The following OPA1 variants were observed in gnomAD, a reference collection of about 807,000 sequenced individuals.
The protein encoded by OPA1 is OPA1 mitochondrial dynamin like GTPase.
A neutral mutation model predicts 152.9 loss-of-function variants in OPA1; 59 were observed. The observed-to-expected ratio is 0.39, with a 90% confidence interval of 0.31 to 0.48. The LOEUF is 0.48. Among genes scored for constraint, OPA1 ranks in the 20% least tolerant of loss-of-function variants. OPA1 has a pLI of 0.96. For synonymous variants in OPA1, 400 were observed against 389.9 expected (o/e 1.03, Z -0.31); for missense variants, 1,008 against 1,216.8 (o/e 0.83, Z 2.55).
rs1450977001 is a variant in OPA1 at position 193,637,188 on chromosome 3, T to C, written c.949-7T>C. 1 of 1,546,396 alleles carries C rather than the reference T, an allele frequency of 6.5e-7. No homozygotes were observed. Among genetic ancestry groups the C allele is most frequent in the East Asian group, 2.3e-5 (1 of 44,054 alleles). On this transcript the variant is annotated splice_polypyrimidine_tract_variant and splice_region_variant and intron_variant, in intron 9 of 30. Transcript: ENST00000361510. ...TTTTATATTATAACTTTTTAAAATT[T>C]TTACAGAAATCTTTGATTGACATGT...
chr3:193,676,846 T>C (rs1719134466), intron 29 of OPA1, among the ~76,000 whole-genome samples: 1 of 151,946 alleles, frequency 6.6e-6, no homozygotes, highest in Non-Finnish European at 1.5e-5. Flanking sequence ...CCAGGCGTGG[T>C]GGCGGGCGCC....
In OPA1 at chr3:193,690,312, A is replaced by G. The variant is rs6794131; in HGVS notation, c.2984-1751A>G. 3.9e-4 allele frequency among the ~76,000 whole-genome samples: 5 copies of G among 12,922 alleles called. No individual in the cohort carries two copies. In the South Asian group the frequency reaches 0.041, roughly 105 times the overall value. The allele number at this position is 12,922 out of a possible 152,430, so 8.5% of individuals were successfully genotyped here. On this transcript the variant is annotated intron_variant, in intron 29 of 30. Transcript: ENST00000361510. Reference sequence around the variant, plus strand: ...ATTAAAACAACTGGACTCCCCCCCCACCCCACCCCACACACACACAGATTT... The same window carrying G: ...ATTAAAACAACTGGACTCCCCCCCCGCCCCACCCCACACACACACAGATTT...
intron 25 of OPA1, among the ~76,000 whole-genome samples, 159 bp from the exon 26 acceptor site, chr3:193,662,663 C>T (rs910800714): frequency 2.0e-5 from 3 of 151,830 alleles, no homozygotes; most frequent in South Asian, 4.2e-4. Context: ...ATTCATAAGC[C>T]GGGGTGCTGT....
Position 193,664,898 on chromosome 3 carries a change from C to A in OPA1, c.2680C>A (p.Gln894Lys), listed in dbSNP as rs1716167831. The change falls in exon 27 of 31, where the codon CAA becomes AAA. Residue 894 changes from glutamine to lysine, a missense_variant. Transcript: ENST00000361510. ...ATTTTAGATTAAGGATACTTGGCAT[C>A]AAGTTTATAGAAGACATTTTTTAAA... ...DPSLIKDTWH[Q>K]VYRRHFLKTA... 6.3e-7 allele frequency: 1 copy of A among 1,588,720 alleles called. No homozygotes were observed.
intron 4 of OPA1, 35 bp downstream of exon 4, chr3:193,617,320 T>A: frequency 7.8e-7 from 1 of 1,289,832 alleles, no homozygotes; most frequent in Non-Finnish European, 1.1e-6. Context: ...ATTTAAAAAT[T>A]TAAGAACCAT....
chr3:193,634,657 CTCGGCCTCCCAAAGTG>C (rs1417742133), intron 8 of OPA1, among the ~76,000 whole-genome samples: 3 of 152,150 alleles, frequency 2.0e-5, no homozygotes, highest in Non-Finnish European at 4.4e-5. Flanking sequence ...ATCCGTCTGC[CTCGGCCTCCCAAAGTG>C]CTGGGATTAC....
chr3:193,670,008 G>C (rs1359550465), intron 29 of OPA1, among the ~76,000 whole-genome samples: 1 of 152,176 alleles, frequency 6.6e-6, no homozygotes, highest in Admixed American at 6.5e-5. Flanking sequence ...TAACTCAGCT[G>C]CATCAGTCAC....
intron 25 of OPA1, among the ~76,000 whole-genome samples, chr3:193,662,467 T>C (rs1715505395): frequency 6.6e-6 from 1 of 152,180 alleles, no homozygotes; most frequent in African/African-American, 2.4e-5. Context: ...AGGGTGCTTT[T>C]TCCTAGATTC....
intron 30 of OPA1, among the ~76,000 whole-genome samples, chr3:193,694,148 A>G (rs891377214): frequency 4.6e-5 from 7 of 152,156 alleles, no homozygotes; most frequent in Non-Finnish European, 8.8e-5. Flanking sequence ...GACTCTGTGA[A>G]CTTTTACAAA....
At chr3:193,656,328 C>G (rs1257144811) in intron 22 of OPA1, among the ~76,000 whole-genome samples, 2 of 152,198 alleles carry the variant, frequency 1.3e-5, no homozygotes, top group African/African-American at 2.4e-5. Flanking sequence ...CCACCACTCA[C>G]TCCGTATTTT....
rs1720873253 is a variant in OPA1, at chr3:193,685,886, T to TA, written c.2984-6174dup. ...TGGACAGATTCCTTCATTTTATAGA[T>TA]AAAGCTAGGACTGTGACTTATCCAG... On this transcript the variant is annotated intron_variant, in intron 29 of 30. Transcript: ENST00000361510. 2.0e-5 allele frequency among the ~76,000 whole-genome samples: 3 copies of TA among 152,348 alleles called. No individual in the cohort carries two copies. The South Asian group carries it at 6.2e-4, about 32-fold the overall frequency.
chr3:193,639,991 A>T (rs1355617983), intron 11 of OPA1, among the ~76,000 whole-genome samples: 1 of 152,178 alleles, frequency 6.6e-6, no homozygotes, highest in African/African-American at 2.4e-5. Context: ...GCCTGAACAA[A>T]TTGAAGGATG....
intron 8 of OPA1, among the ~76,000 whole-genome samples, chr3:193,633,054 A>T (rs1164683858): frequency 6.6e-6 from 1 of 151,936 alleles, no homozygotes; most frequent in Non-Finnish European, 1.5e-5. Context: ...CTATTTATTG[A>T]GTCTCAAACC....
chr3:193,662,110 T>C (rs1715406856), intron 25 of OPA1, among the ~76,000 whole-genome samples: 1 of 152,278 alleles, frequency 6.6e-6, no homozygotes, highest in Non-Finnish European at 1.5e-5. Flanking sequence ...TCTTCTATCA[T>C]ATACAATTTT....
At chr3:193,629,617 G>A (rs867720667) in intron 7 of OPA1, among the ~76,000 whole-genome samples, 8 of 151,712 alleles carry the variant, frequency 5.3e-5, no homozygotes, top group South Asian at 2.1e-4. Flanking sequence ...GGAGAATGGC[G>A]TGACCCCAGG....
chr3:193,686,194 G>A (rs1262618265), intron 29 of OPA1, among the ~76,000 whole-genome samples: 1 of 152,184 alleles, frequency 6.6e-6, no homozygotes. Flanking sequence ...GGAAGTAGTT[G>A]TTAGGAGAGG....
chr3:193,628,220 A>G (rs1731479695), intron 7 of OPA1, among the ~76,000 whole-genome samples: 1 of 151,878 alleles, frequency 6.6e-6, no homozygotes, highest in African/African-American at 2.4e-5. Flanking sequence ...TATCTTCTTG[A>G]AAGTCTAAGT....
Position 193,648,066 on chromosome 3 carries a change from T to G in OPA1, c.1871-4T>G. ...TCAAACTTGAACTTTTCCTTCTTCCTCAGCAACACGTTTTAACCTTGAAAC... is the reference window on the plus strand; with the variant it reads ...TCAAACTTGAACTTTTCCTTCTTCCGCAGCAACACGTTTTAACCTTGAAAC... On this transcript the variant is annotated splice_region_variant and splice_polypyrimidine_tract_variant and intron_variant, in intron 19 of 30. Coordinates refer to ENST00000361510, the MANE Select transcript of OPA1 (RefSeq NM_130837.3). 33 of 1,611,976 alleles carry G rather than the reference T, an allele frequency of 2.0e-5. No homozygotes were observed. Among genetic ancestry groups the G allele is most frequent in the Non-Finnish European group, 2.7e-5 (32 of 1,178,096 alleles).
At chr3:193,648,913 G>A (rs766527126) in intron 21 of OPA1, 42 bp downstream of exon 21, 3 of 1,265,210 alleles carry the variant, frequency 2.4e-6, no homozygotes, top group South Asian at 2.4e-5. Flanking sequence ...AGACTTTACT[G>A]TACAGGTTAT....
Sources: gnomAD v4.1 joint callset for allele counts (sites outside exome capture counted in the v4.1 genomes callset) on GRCh38, gnomAD v4.1.1 for gene constraint, MANE v1.5 for transcripts, NCBI Gene and HGNC (gene_info 2026-07-23, HGNC 2026-07-21) for gene names.